The following CDH13 variants were observed in gnomAD, a reference collection of about 807,000 sequenced individuals.
The protein encoded by CDH13 is cadherin 13.
Under a neutral mutation model 63.8 loss-of-function variants are expected in CDH13, and 24 were observed. The ratio of observed to expected loss-of-function variants is 0.38; its 90% confidence interval spans 0.27 to 0.53. CDH13 has a LOEUF of 0.53. CDH13 is among the 20% of genes least tolerant of loss of function. The probability of loss-of-function intolerance (pLI) is 0.85; values close to 1 mark genes in which losing one functional copy is unlikely to be tolerated. For synonymous variants in CDH13, 503 were observed against 355.3 expected (o/e 1.42, Z -4.67); for missense variants, 1,049 against 903.1 (o/e 1.16, Z -2.07).
intron 7 of CDH13, among the ~76,000 whole-genome samples, chr16:83,507,774 C>A (rs1372728654): frequency 2.0e-5 from 3 of 152,024 alleles, no homozygotes; most frequent in African/African-American, 7.3e-5. Context: ...GTGGCTCATG[C>A]TTGTAATCCC....
intron 7 of CDH13, among the ~76,000 whole-genome samples, chr16:83,580,206 T>C (rs1278654244): frequency 6.6e-6 from 1 of 152,002 alleles, no homozygotes; most frequent in Non-Finnish European, 1.5e-5. Context: ...GTGATTGGCA[T>C]TGAGTGTCAG....
intron 7 of CDH13, among the ~76,000 whole-genome samples, chr16:83,537,921 G>C (rs1324543162): frequency 6.6e-6 from 1 of 152,046 alleles, no homozygotes; most frequent in Non-Finnish European, 1.5e-5. Context: ...TGCCTTCCTA[G>C]GAATTTAATT....
chr16:83,432,275 C>T (rs1598006980), intron 6 of CDH13, among the ~76,000 whole-genome samples: 1 of 152,174 alleles, frequency 6.6e-6, no homozygotes, highest in African/African-American at 2.4e-5. Context: ...TGGATCCGTT[C>T]GAGGAGTATC....
intron 1 of CDH13, among the ~76,000 whole-genome samples, chr16:82,758,246 A>C (rs1321921746): frequency 6.6e-6 from 1 of 152,218 alleles, no homozygotes; most frequent in Non-Finnish European, 1.5e-5. Context: ...GACACGGGCT[A>C]TGTTGAAGTA....
chr16:83,637,063 G>C (rs558968845), intron 8 of CDH13, among the ~76,000 whole-genome samples: 30 of 152,230 alleles, frequency 2.0e-4, no homozygotes, highest in Middle Eastern at 6.8e-3. Flanking sequence ...GTCTTCTCTT[G>C]AGACATGTCT....
chr16:82,885,613 TTCTA>T (rs1391239955), intron 2 of CDH13, among the ~76,000 whole-genome samples: 1 of 152,134 alleles, frequency 6.6e-6, no homozygotes, highest in African/African-American at 2.4e-5. Context: ...CTACCTTTTC[TTCTA>T]TCTATCTGTA....
At chr16:83,266,962 G>T (rs924841560) in intron 5 of CDH13, among the ~76,000 whole-genome samples, 2 of 152,072 alleles carry the variant, frequency 1.3e-5, no homozygotes, top group Non-Finnish European at 2.9e-5. Context: ...CTCATGTTCT[G>T]ATTGCAAATG....
At chr16:82,668,314 G>A (rs1912845671) in intron 1 of CDH13, among the ~76,000 whole-genome samples, 1 of 152,122 alleles carries the variant, frequency 6.6e-6, no homozygotes, top group Admixed American at 6.5e-5. Context: ...CCAACCCCAG[G>A]GATGGCATCA....
rs1017498799 is a variant in CDH13, at chr16:83,666,356, A to C, written c.1102-4434A>C. Among the ~76,000 whole-genome samples the C allele has an allele frequency of 3.3e-5, 5 of 152,346 alleles. No homozygotes were observed. In the East Asian group the frequency reaches 5.8e-4, roughly 18 times the overall value. ...AGCTTCTAAATGAATGCTCAAAGAA[A>C]CTGCTTCATAGTTTATGCAGAAATC... On this transcript the variant is annotated intron_variant, in intron 8 of 13. Coordinates refer to ENST00000567109, the MANE Select transcript of CDH13 (RefSeq NM_001257.5).
intron 8 of CDH13, among the ~76,000 whole-genome samples, chr16:83,657,933 A>G (rs1400910919): frequency 2.8e-5 from 4 of 144,338 alleles, no homozygotes; most frequent in African/African-American, 5.4e-5. Context: ...CCATGTCCCC[A>G]CCACCAGGTC....
intron 4 of CDH13, among the ~76,000 whole-genome samples, chr16:83,146,422 A>G (rs2036754033): frequency 6.6e-6 from 1 of 152,134 alleles, no homozygotes; most frequent in Non-Finnish European, 1.5e-5. Context: ...CAGCCATGTC[A>G]GGACCAGCAT....
chr16:83,111,899 G>T (rs182584717), intron 3 of CDH13, among the ~76,000 whole-genome samples: 4 of 152,082 alleles, frequency 2.6e-5, no homozygotes, highest in Non-Finnish European at 5.9e-5. Context: ...TTGTTTTCCT[G>T]GATCTCATGC....
intron 8 of CDH13, among the ~76,000 whole-genome samples, chr16:83,611,057 T>C (rs555366867): frequency 8.5e-5 from 13 of 152,308 alleles, no homozygotes; most frequent in African/African-American, 3.1e-4. Context: ...CTGATGAAGT[T>C]GACCATCTTC....
chr16:83,243,358 G>C (rs1268955573), intron 5 of CDH13, among the ~76,000 whole-genome samples: 4 of 152,206 alleles, frequency 2.6e-5, no homozygotes, highest in African/African-American at 9.7e-5. Context: ...CGGCAGGGAA[G>C]AGAGAGAACT....
At position 83,274,767 on chromosome 16, in the gene CDH13, G is replaced by T. The variant is rs533730887; in HGVS notation, c.636+57270G>T. ...AAATATGCACATTCTTGGGCCCCACGCCAGATCTACTACTAAGAACCTCCA... is the reference window on the plus strand; with the variant it reads ...AAATATGCACATTCTTGGGCCCCACTCCAGATCTACTACTAAGAACCTCCA... On this transcript the variant is annotated intron_variant, in intron 5 of 13. Coordinates refer to ENST00000567109, the MANE Select transcript of CDH13 (RefSeq NM_001257.5). Among the ~76,000 whole-genome samples, 8 of 152,048 alleles carry T rather than the reference G, an allele frequency of 5.3e-5. No homozygotes were observed. The East Asian group carries it at 1.3e-3, about 26-fold the overall frequency.
intron 10 of CDH13, among the ~76,000 whole-genome samples, chr16:83,694,383 C>T (rs1283003644): frequency 6.6e-6 from 1 of 152,188 alleles, no homozygotes; most frequent in Non-Finnish European, 1.5e-5. Flanking sequence ...CTGCACAAAA[C>T]AGGGTTTTCT....
chr16:82,947,750 C>T (rs1454921223), intron 2 of CDH13, among the ~76,000 whole-genome samples: 2 of 152,170 alleles, frequency 1.3e-5, no homozygotes, highest in African/African-American at 4.8e-5. Context: ...TTTGATGTTA[C>T]TTTCCAGGCT....
At chr16:83,620,167 T>C (rs1909677203) in intron 8 of CDH13, among the ~76,000 whole-genome samples, 2 of 151,736 alleles carry the variant, frequency 1.3e-5, no homozygotes, top group South Asian at 4.2e-4. Context: ...CCAAGGTGGG[T>C]GGATCACGAG....
rs368576498 is a variant in CDH13 at position 82,718,805 on chromosome 16, C to G, written c.45+91668C>G. Among the ~76,000 whole-genome samples, 8 of 152,244 alleles carry G rather than the reference C, an allele frequency of 5.3e-5. No individual in the cohort carries two copies. In the East Asian group the frequency reaches 1.5e-3, roughly 29 times the overall value. On this transcript the variant is annotated intron_variant, in intron 1 of 13. Transcript: ENST00000567109. Reference sequence around the variant, plus strand: ...GCCCCATGAATGAATTATCTCCCACCAGGTCCCTCCCAAAACACGTGGGAA... The same window carrying G: ...GCCCCATGAATGAATTATCTCCCACGAGGTCCCTCCCAAAACACGTGGGAA...
Sources: gnomAD v4.1 joint callset for allele counts (sites outside exome capture counted in the v4.1 genomes callset) on GRCh38, gnomAD v4.1.1 for gene constraint, MANE v1.5 for transcripts, NCBI Gene and HGNC (gene_info 2026-07-23, HGNC 2026-07-21) for gene names.